SBK1: variants seen among roughly 807,000 people sequenced by gnomAD.
SBK1 encodes serine/threonine-protein kinase SBK1.
Under a neutral mutation model 24.4 loss-of-function variants are expected in SBK1, and 11 were observed. The ratio of observed to expected loss-of-function variants is 0.45; its 90% confidence interval spans 0.28 to 0.75. The LOEUF (loss-of-function observed/expected upper bound fraction) is 0.75, where lower values mean the gene tolerates loss of function less well. Ranked by LOEUF, SBK1 falls within the 30% of genes least tolerant of loss-of-function variation. The probability of loss-of-function intolerance (pLI) is 0.12; values close to 1 mark genes in which losing one functional copy is unlikely to be tolerated. For missense variants in SBK1, 467 were observed against 620.5 expected (o/e 0.75, Z 2.63); for synonymous variants, 308 against 284.4 (o/e 1.08, Z -0.83).
intron 1 of SBK1, among the ~76,000 whole-genome samples, chr16:28,266,155 T>G (rs1327450803): frequency 6.6e-6 from 1 of 152,076 alleles, no homozygotes; most frequent in Non-Finnish European, 1.5e-5. Context: ...GAAGGATCAC[T>G]GGAGCCCAAG....
intron 1 of SBK1, among the ~76,000 whole-genome samples, chr16:28,302,610 C>G (rs529727162): frequency 2.6e-5 from 4 of 152,322 alleles, no homozygotes; most frequent in South Asian, 4.1e-4. Context: ...CTGGCACTTT[C>G]CTCTGGCACT....
intron 1 of SBK1, among the ~76,000 whole-genome samples, chr16:28,299,728 T>TTTC (rs1166245642): frequency 1.3e-5 from 2 of 152,184 alleles, no homozygotes; most frequent in Non-Finnish European, 2.9e-5. Context: ...CACTGTCACT[T>TTTC]TTCACTTCTC....
At chr16:28,303,432 T>C (rs573396793) in intron 1 of SBK1, among the ~76,000 whole-genome samples, 2 of 152,022 alleles carry the variant, frequency 1.3e-5, no homozygotes, top group Non-Finnish European at 2.9e-5. Context: ...TCTAGAGTTA[T>C]TTTATGCAAA....
intron 1 of SBK1, among the ~76,000 whole-genome samples, chr16:28,308,781 T>TGTGTG (rs1567678533): frequency 5.8e-4 from 55 of 94,512 alleles, no homozygotes; most frequent in African/African-American, 1.8e-3. Context: ...GTGTGTGTGT[T>TGTGTG]TGTTTTGTTT....
Position 28,272,422 on chromosome 16 carries a change from C to G in SBK1, c.257+12920C>G, listed in dbSNP as rs75562142. Among the ~76,000 whole-genome samples the G allele has an allele frequency of 8.6e-3, 1,313 of 152,006 alleles. 18 individuals are homozygous for G. The highest frequency in any genetic ancestry group is 0.03 in the African/African-American group (1,252 of 41,462). ...ATCTTGCTTTATTGAATCTTTATGC[C>G]TACTGATGAGCTATTCCCCAATTTC... is the stretch of plus-strand genomic sequence containing the variant. On this transcript the variant is annotated intron_variant, in intron 1 of 3. Coordinates refer to the SBK1 transcript ENST00000671413.
chr16:28,292,924 C>T lies in SBK1; in HGVS notation c.-384C>T. The stretch of plus-strand genomic sequence containing the variant: ...CCCCTCCTCAGTCTGGGCCCCCGCC[C>T]CAAGACCTAGAACGCAGTGCCCCCA... On this transcript the variant is annotated 5_prime_UTR_variant, in exon 1 of 4. Transcript: ENST00000341901. The T allele has an allele frequency of 1.0e-6, 1 of 976,004 alleles. No individual in the cohort carries two copies. Among genetic ancestry groups the T allele is most frequent in the Non-Finnish European group, 1.2e-6 (1 of 821,398 alleles). 60.5% of individuals were successfully genotyped at this position (976,004 alleles called of 1,614,324 possible). A position where few individuals can be genotyped will look rare whatever the true frequency, so the allele number is the denominator to read the frequency against.
intron 1 of SBK1, among the ~76,000 whole-genome samples, chr16:28,310,286 G>A (rs569230266): frequency 3.9e-5 from 6 of 152,322 alleles, no homozygotes; most frequent in Non-Finnish European, 7.4e-5. Flanking sequence ...AGAGGCCTCC[G>A]CTGCCTGGTG....
chr16:28,271,580 C>T (rs2044466130), intron 1 of SBK1, among the ~76,000 whole-genome samples: 1 of 152,016 alleles, frequency 6.6e-6, no homozygotes, highest in South Asian at 2.1e-4. Context: ...AAGAGAGTAA[C>T]ATCTGGACTC....
At chr16:28,308,211 C>A (rs557795872) in intron 1 of SBK1, among the ~76,000 whole-genome samples, 35 of 152,240 alleles carry the variant, frequency 2.3e-4, no homozygotes, top group African/African-American at 6.7e-4. Flanking sequence ...AGTGCAATGG[C>A]ACAATCTCAG....
Position 28,292,660 on chromosome 16 carries a change from G to A in SBK1, c.-648G>A. ...GCGCAGGGCCGGGCTGCTCGTAGCGGCGGCGACCGAGCCCCCCAGCGGCTG... is the reference window on the plus strand; with the variant it reads ...GCGCAGGGCCGGGCTGCTCGTAGCGACGGCGACCGAGCCCCCCAGCGGCTG... On this transcript the variant is annotated 5_prime_UTR_variant, in exon 1 of 4. Transcript: ENST00000341901. 1 of 984,002 alleles carries A rather than the reference G, an allele frequency of 1.0e-6. No homozygotes were observed. The highest frequency in any genetic ancestry group is 1.2e-6 in the Non-Finnish European group (1 of 829,330). 61.0% of individuals were successfully genotyped at this position (984,002 alleles called of 1,614,324 possible).
At position 28,292,697 on chromosome 16, in the gene SBK1, G is replaced by A. The variant is rs1340568482; in HGVS notation, c.-611G>A. The A allele has an allele frequency of 2.0e-6, 2 of 984,434 alleles. No individual in the cohort carries two copies. The highest frequency in any genetic ancestry group is 3.5e-5 in the African/African-American group (2 of 57,156). 61.0% of individuals were successfully genotyped at this position (984,434 alleles called of 1,614,324 possible). Reference sequence around the variant, plus strand: ...CCCCCCAGCGGCTGAGGGGCTTCCAGCGCCCGCCGGTGGCCGGGACCCACT... The same window carrying A: ...CCCCCCAGCGGCTGAGGGGCTTCCAACGCCCGCCGGTGGCCGGGACCCACT... On this transcript the variant is annotated 5_prime_UTR_variant, in exon 1 of 4. Coordinates refer to ENST00000341901, the MANE Select transcript of SBK1 (RefSeq NM_001024401.3).
chr16:28,280,191 ATG>A lies in SBK1; in HGVS notation c.257+20691_257+20692del, dbSNP rs1398429126. On this transcript the variant is annotated intron_variant, in intron 1 of 3. Coordinates refer to the SBK1 transcript ENST00000671413. ...TGTGTGTATGTATATATACATATAT[ATG>A]TACATATATGTATATATACGTATAC... Among the ~76,000 whole-genome samples, 638 of 114,504 alleles carry A rather than the reference ATG, an allele frequency of 5.6e-3. 8 individuals are homozygous for A. Among genetic ancestry groups the A allele is most frequent in the Non-Finnish European group, 0.01 (528 of 51,232 alleles). The allele number at this position is 114,504 out of a possible 152,430, so 75.1% of individuals were successfully genotyped here.
At chr16:28,263,552 A>T (rs2044410199) in intron 1 of SBK1, among the ~76,000 whole-genome samples, 1 of 152,176 alleles carries the variant, frequency 6.6e-6, no homozygotes, top group African/African-American at 2.4e-5. Context: ...AATGATGGGG[A>T]CAGTGACAAG....
chr16:28,300,305 CTCTT>C (rs1169570065), intron 1 of SBK1, among the ~76,000 whole-genome samples: 1 of 105,740 alleles, frequency 9.5e-6, no homozygotes, highest in Non-Finnish European at 2.1e-5. Context: ...CTTCCTATCT[CTCTT>C]TTTTGTTTGT....
intron 1 of SBK1, among the ~76,000 whole-genome samples, chr16:28,293,630 G>A (rs2044618316): frequency 6.6e-6 from 1 of 152,030 alleles, no homozygotes; most frequent in African/African-American, 2.4e-5. Flanking sequence ...TGGCCCCCAG[G>A]TCCTTGGAGT....
chr16:28,277,477 G>C (rs943732378), intron 1 of SBK1, among the ~76,000 whole-genome samples: 2 of 152,066 alleles, frequency 1.3e-5, no homozygotes, highest in African/African-American at 4.8e-5. Context: ...AGGAGTTTGA[G>C]ACCAGCCTGA....
chr16:28,289,552 G>A (rs762911457), upstream of SBK1, among the ~76,000 whole-genome samples: 3 of 152,096 alleles, frequency 2.0e-5, no homozygotes, highest in Non-Finnish European at 4.4e-5. Flanking sequence ...GCTCACCTGA[G>A]GTCGGGAGTT....
At chr16:28,292,482 G>A (rs1214408732), upstream of SBK1, 4 of 959,098 alleles carry the variant, frequency 4.2e-6, no homozygotes, top group Non-Finnish European at 4.9e-6. Context: ...GCGGAGCCGC[G>A]GGCCGGGCGG....
intron 1 of SBK1, among the ~76,000 whole-genome samples, chr16:28,302,265 C>T (rs1458800378): frequency 6.6e-6 from 1 of 152,242 alleles, no homozygotes; most frequent in African/African-American, 2.4e-5. Context: ...CAGAGTCTTT[C>T]CAAGAACCTC....
Sources: gnomAD v4.1 joint callset for allele counts (sites outside exome capture counted in the v4.1 genomes callset) on GRCh38, gnomAD v4.1.1 for gene constraint, MANE v1.5 for transcripts, NCBI Gene and HGNC (gene_info 2026-07-23, HGNC 2026-07-21) for gene names.